HNF4G: variants seen among roughly 807,000 people sequenced by gnomAD.
HNF4G encodes the protein hepatocyte nuclear factor 4 gamma, also known as hepatocyte nuclear factor 4-gamma.
A neutral mutation model predicts 50.9 loss-of-function variants in HNF4G; 21 were observed. The observed-to-expected ratio is 0.41, with a 90% confidence interval of 0.29 to 0.59. The LOEUF (loss-of-function observed/expected upper bound fraction) is 0.59. Ranked by LOEUF, HNF4G falls within the 20% of genes least tolerant of loss-of-function variation. The pLI, the probability that HNF4G is intolerant of heterozygous loss-of-function variation, is 0.26. For synonymous variants in HNF4G, 198 were observed against 185.6 expected, an observed-to-expected ratio of 1.07 and a Z score of -0.54; for missense variants, 527 against 559.4, an observed-to-expected ratio of 0.94 and a Z score of 0.58.
chr8:75,560,859 T>G (rs1807292149), intron 9 of HNF4G, among the ~76,000 whole-genome samples: 1 of 152,154 alleles, frequency 6.6e-6, no homozygotes, highest in African/African-American at 2.4e-5. Context: ...TATTAAGAAC[T>G]CTCTTAATGT....
Position 75,478,564 on chromosome 8 carries a change from A to G in HNF4G, c.-143-11525A>G, listed in dbSNP as rs58096403. On this transcript the variant is annotated intron_variant, in intron 1 of 10. Coordinates refer to the HNF4G transcript ENST00000354370. ...TTGTTAGACTCTTCAGTCCCAAAAT[A>G]TAATGTGAAATGAGAATGCATGTTG... 5.1e-3 allele frequency among the ~76,000 whole-genome samples: 773 copies of G among 152,284 alleles called. 13 individuals are homozygous for G. The highest frequency in any genetic ancestry group is 0.018 in the African/African-American group (743 of 41,566).
intron 1 of HNF4G, among the ~76,000 whole-genome samples, chr8:75,483,253 A>AT (rs1812421422): frequency 8.8e-6 from 1 of 113,490 alleles, no homozygotes; most frequent in African/African-American, 5.0e-5. Flanking sequence ...TAAGTCACTT[A>AT]ATTTTTTTTT....
At chr8:75,469,170 CAG>C (rs1435696206) in intron 1 of HNF4G, among the ~76,000 whole-genome samples, 1 of 151,996 alleles carries the variant, frequency 6.6e-6, no homozygotes, top group African/African-American at 2.4e-5. Flanking sequence ...TTTTTGGTGG[CAG>C]ATCCCAGGTG....
intron 1 of HNF4G, among the ~76,000 whole-genome samples, chr8:75,461,893 A>T (rs1309769928): frequency 2.4e-5 from 3 of 124,384 alleles, no homozygotes; most frequent in Non-Finnish European, 1.6e-5. Context: ...TAAATATATA[A>T]ATATATAAAT....
rs531319787 is a variant in HNF4G at position 75,564,891 on chromosome 8, T to C, written c.*795T>C. The C allele has an allele frequency of 3.9e-5, 6 of 152,280 alleles. No individual in the cohort carries two copies. Among genetic ancestry groups the C allele is most frequent in the African/African-American group, 1.4e-4 (6 of 41,570 alleles). 9.4% of individuals were successfully genotyped at this position (152,280 alleles called of 1,614,324 possible). A position where few individuals can be genotyped will look rare whatever the true frequency, so the allele number is the denominator to read the frequency against. ...TATCCATTGACTAGAAATTAGTACA[T>C]GCCCACAGCTGGCTCCCACGGTAGC... On this transcript the variant is annotated 3_prime_UTR_variant, in exon 10 of 10. Coordinates refer to ENST00000396423, the MANE Select transcript of HNF4G (RefSeq NM_004133.5).
At position 75,492,046 on chromosome 8, in the gene HNF4G, G is replaced by T. The variant is rs73690921; in HGVS notation, c.-24+1838G>T. Among the ~76,000 whole-genome samples the T allele has an allele frequency of 5.1e-3, 776 of 152,328 alleles. 13 individuals are homozygous for T. The highest frequency in any genetic ancestry group is 0.018 in the African/African-American group (749 of 41,586). On this transcript the variant is annotated intron_variant, in intron 2 of 10. Transcript: ENST00000354370. ...CTGGTTTTCTTGTAGACTGCTTTGT[G>T]CCAGCACATATTGCTATGACTTCAT...
At chr8:75,413,305 A>G (rs2926601) in intron 1 of HNF4G, among the ~76,000 whole-genome samples, 63,158 of 105,836 alleles carry the variant, frequency 0.6, 16,382 homozygotes, top group Middle Eastern at 0.64. Flanking sequence ...ACAGGAGAGG[A>G]CAAGGGAGGG....
intron 2 of HNF4G, among the ~76,000 whole-genome samples, chr8:75,504,667 C>T (rs962939087): frequency 5.9e-5 from 9 of 152,072 alleles, no homozygotes; most frequent in Non-Finnish European, 5.9e-5. Context: ...CAAATTTGGA[C>T]ATTTTCCAAT....
chr8:75,554,978 AC>A (rs1270845228), intron 5 of HNF4G, among the ~76,000 whole-genome samples: 2 of 152,190 alleles, frequency 1.3e-5, no homozygotes, highest in African/African-American at 4.8e-5. Context: ...TCAGGCAGCA[AC>A]AATGTGAACA....
chr8:75,407,892 C>CCGT (rs2130449310), upstream of HNF4G: 1 of 152,218 alleles, frequency 6.6e-6, no homozygotes, highest in African/African-American at 2.4e-5. Context: ...GGGTGGGGGA[C>CCGT]CTGCTGCCGG....
At chr8:75,424,443 T>C (rs1273911135) in intron 1 of HNF4G, among the ~76,000 whole-genome samples, 1 of 152,212 alleles carries the variant, frequency 6.6e-6, no homozygotes, top group Non-Finnish European at 1.5e-5. Flanking sequence ...TACAAGGGTA[T>C]ATTGGATAAT....
chr8:75,525,398 G>C (rs527305709), intron 2 of HNF4G, among the ~76,000 whole-genome samples: 1 of 152,308 alleles, frequency 6.6e-6, no homozygotes, highest in East Asian at 1.9e-4. Flanking sequence ...TCGATCTCTT[G>C]ACCTCATGAT....
chr8:75,513,984 G>A (rs946307359), intron 2 of HNF4G, among the ~76,000 whole-genome samples: 1 of 151,598 alleles, frequency 6.6e-6, no homozygotes, highest in Non-Finnish European at 1.5e-5. Context: ...GAAGGCTTCT[G>A]TATATGTGCA....
At chr8:75,514,370 C>CT (rs570442907) in intron 2 of HNF4G, among the ~76,000 whole-genome samples, 800 of 62,032 alleles carry the variant, frequency 0.013, 10 homozygotes, top group East Asian at 0.059. Context: ...TTTTTTCTTT[C>CT]TTTTTTTTTT....
intron 1 of HNF4G, among the ~76,000 whole-genome samples, chr8:75,415,142 A>C (rs1810602873): frequency 6.6e-6 from 1 of 152,302 alleles, no homozygotes; most frequent in East Asian, 1.9e-4. Context: ...TCTTTTCATG[A>C]GCTTATGTAA....
intron 1 of HNF4G, among the ~76,000 whole-genome samples, chr8:75,467,000 T>C (rs1812003864): frequency 3.3e-5 from 5 of 152,144 alleles, no homozygotes; most frequent in Admixed American, 3.3e-4. Flanking sequence ...ATTCATTCTG[T>C]ATCTTCTATG....
At chr8:75,474,281 C>A (rs1812189209) in intron 1 of HNF4G, among the ~76,000 whole-genome samples, 1 of 152,164 alleles carries the variant, frequency 6.6e-6, no homozygotes, top group Non-Finnish European at 1.5e-5. Context: ...TGGCATTAGC[C>A]TACTACTTTT....
chr8:75,457,692 G>C (rs893259159), intron 1 of HNF4G, among the ~76,000 whole-genome samples: 9 of 152,088 alleles, frequency 5.9e-5, no homozygotes, highest in Non-Finnish European at 7.4e-5. Context: ...CTTCTGAAAG[G>C]CATGTGGAAT....
At chr8:75,485,951 C>T (rs7843073) in intron 1 of HNF4G, 34,714 of 152,054 alleles carry the variant, frequency 0.23, 5,170 homozygotes, top group African/African-American at 0.42. Context: ...GTCATACTGC[C>T]GACACAGATT....
Sources: gnomAD v4.1 joint callset for allele counts (sites outside exome capture counted in the v4.1 genomes callset) on GRCh38, gnomAD v4.1.1 for gene constraint, MANE v1.5 for transcripts, NCBI Gene and HGNC (gene_info 2026-07-23, HGNC 2026-07-21) for gene names.